Variants in MAN2A1 observed in about 807,000 individuals in gnomAD.
MAN2A1 encodes alpha-mannosidase 2.
A neutral mutation model predicts 142.6 loss-of-function variants in MAN2A1; 76 were observed. The observed-to-expected ratio is 0.53, with a 90% CI of 0.44 to 0.65. The LOEUF is 0.65. MAN2A1 is among the 30% of genes least tolerant of loss of function. The pLI is 0.00. For missense variants in MAN2A1, 1,311 were observed against 1,365.1 expected (o/e 0.96, Z 0.62); for synonymous variants, 559 against 473.2 (o/e 1.18, Z -2.35).
intron 12 of MAN2A1, among the ~76,000 whole-genome samples, chr5:109,798,327 A>G (rs116695020): frequency 0.034 from 5,161 of 152,278 alleles, 120 homozygotes; most frequent in Middle Eastern, 0.054. Flanking sequence ...TTCACTTACT[A>G]TCAGTGTACT....
chr5:109,717,299 T>C (rs1426497613), intron 3 of MAN2A1, among the ~76,000 whole-genome samples: 1 of 152,192 alleles, frequency 6.6e-6, no homozygotes, highest in African/African-American at 2.4e-5. Flanking sequence ...CAACAAAATA[T>C]GTTACTTTAG....
At chr5:109,825,973 C>G (rs1754748284) in intron 16 of MAN2A1, among the ~76,000 whole-genome samples, 1 of 125,978 alleles carries the variant, frequency 7.9e-6, no homozygotes, top group African/African-American at 3.0e-5. Flanking sequence ...GTGGAGCGAT[C>G]TCGGCTCACT....
intron 19 of MAN2A1, among the ~76,000 whole-genome samples, chr5:109,851,386 T>C (rs1755477547): frequency 6.6e-6 from 1 of 152,198 alleles, no homozygotes; most frequent in Non-Finnish European, 1.5e-5. Context: ...ATTGTGGTAA[T>C]GTTGGGAGTG....
chr5:109,744,685 G>A (rs1752352976), intron 4 of MAN2A1, among the ~76,000 whole-genome samples: 2 of 152,212 alleles, frequency 1.3e-5, no homozygotes, highest in East Asian at 1.9e-4. Flanking sequence ...AAATGGGGGC[G>A]ACTTTCTGAA....
chr5:109,791,473 T>C (rs1212634498), intron 12 of MAN2A1, among the ~76,000 whole-genome samples: 1 of 152,084 alleles, frequency 6.6e-6, no homozygotes, highest in East Asian at 1.9e-4. Context: ...CTTTTCAGTT[T>C]TTAAATTGGA....
intron 4 of MAN2A1, among the ~76,000 whole-genome samples, chr5:109,744,373 G>C (rs1752345851): frequency 2.0e-5 from 3 of 152,156 alleles, no homozygotes; most frequent in Admixed American, 2.0e-4. Context: ...GTGGGTGTCA[G>C]AGGGCAGAGA....
At chr5:109,806,919 T>C (rs896442864) in intron 12 of MAN2A1, among the ~76,000 whole-genome samples, 7 of 152,192 alleles carry the variant, frequency 4.6e-5, no homozygotes, top group African/African-American at 1.4e-4. Context: ...CTCCTAAATA[T>C]AGAGAAAGGT....
chr5:109,718,787 A>G (rs984203571), intron 3 of MAN2A1, among the ~76,000 whole-genome samples: 2 of 152,192 alleles, frequency 1.3e-5, no homozygotes, highest in East Asian at 3.9e-4. Context: ...ACTTTGTTTT[A>G]TTCACTGCTG....
intron 1 of MAN2A1, among the ~76,000 whole-genome samples, chr5:109,697,366 A>G (rs994369678): frequency 2.6e-5 from 4 of 152,154 alleles, no homozygotes; most frequent in Admixed American, 1.3e-4. Flanking sequence ...TGATCATTTC[A>G]TTTTGTCCTC....
At chr5:109,799,409 C>T (rs1266881729) in intron 12 of MAN2A1, among the ~76,000 whole-genome samples, 1 of 152,056 alleles carries the variant, frequency 6.6e-6, no homozygotes, top group Non-Finnish European at 1.5e-5. Flanking sequence ...CTTGGACACT[C>T]CATTTTTTGT....
At chr5:109,707,969 G>A (rs574676743) in intron 1 of MAN2A1, among the ~76,000 whole-genome samples, 1 of 152,084 alleles carries the variant, frequency 6.6e-6, no homozygotes, top group Admixed American at 6.5e-5. Flanking sequence ...GTTTTTCAGG[G>A]GTGAGGTTTC....
intron 16 of MAN2A1, among the ~76,000 whole-genome samples, chr5:109,832,161 C>CTTTTTTTTTTTTTTTTT (rs70999945): frequency 3.3e-4 from 17 of 51,220 alleles, no homozygotes; most frequent in East Asian, 5.3e-4. Context: ...AAGGAGTTTT[C>CTTTTTTTTTTTTTTTTT]TTTTTTTTTT....
chr5:109,750,156 A>G (rs1442097324), intron 4 of MAN2A1, among the ~76,000 whole-genome samples: 4 of 151,824 alleles, frequency 2.6e-5, no homozygotes, highest in African/African-American at 7.3e-5. Flanking sequence ...TAGGTTGACA[A>G]TTTTCTTTGT....
chr5:109,800,976 T>C (rs1754013177), intron 12 of MAN2A1, among the ~76,000 whole-genome samples: 1 of 152,238 alleles, frequency 6.6e-6, no homozygotes, highest in African/African-American at 2.4e-5. Flanking sequence ...ATTCATTGTT[T>C]TCTTCTTTAA....
chr5:109,821,907 CT>C (rs930103718), intron 15 of MAN2A1, among the ~76,000 whole-genome samples: 6 of 151,420 alleles, frequency 4.0e-5, no homozygotes, highest in Non-Finnish European at 5.9e-5. Flanking sequence ...GTAGTCATTT[CT>C]TTTTTTTCTG....
chr5:109,810,870 CT>C (rs1268147217), intron 12 of MAN2A1, among the ~76,000 whole-genome samples: 1 of 152,148 alleles, frequency 6.6e-6, no homozygotes, highest in African/African-American at 2.4e-5. Context: ...TCCATTTCCC[CT>C]GGAAGTGGAA....
At chr5:109,758,378 CT>C (rs369172479) in intron 5 of MAN2A1, among the ~76,000 whole-genome samples, 2 of 151,666 alleles carry the variant, frequency 1.3e-5, no homozygotes, top group African/African-American at 4.8e-5. Context: ...AGTTATTTAT[CT>C]TTTTATTATT....
intron 1 of MAN2A1, among the ~76,000 whole-genome samples, chr5:109,698,936 C>T (rs904692377): frequency 5.9e-5 from 9 of 151,958 alleles, no homozygotes; most frequent in Admixed American, 5.2e-4. Flanking sequence ...TGTGTGGTTC[C>T]TTCTTTAAAT....
At chr5:109,706,382 A>G (rs1321131275) in intron 1 of MAN2A1, among the ~76,000 whole-genome samples, 1 of 152,210 alleles carries the variant, frequency 6.6e-6, no homozygotes, top group Non-Finnish European at 1.5e-5. Flanking sequence ...CAGCAGCTGC[A>G]ATAATACTTT....
Sources: allele counts gnomAD v4.1 joint callset (sites outside exome capture counted in the v4.1 genomes callset), GRCh38; gene constraint gnomAD v4.1.1; transcripts MANE v1.5; gene names NCBI Gene and HGNC (gene_info 2026-07-23, HGNC 2026-07-21).